Variants in ERAP1 observed in about 807,000 individuals in gnomAD.
ERAP1 encodes the protein adipocyte-derived leucine aminopeptidase.
ERAP1 carries 86 observed loss-of-function variants against 103.7 expected under a neutral mutation model. The observed-to-expected ratio is 0.83, with a 90% confidence interval of 0.70 to 0.99. ERAP1 has a LOEUF of 0.99. Among genes scored for constraint, ERAP1 ranks in the 50% least tolerant of loss-of-function variants. ERAP1 has a pLI of 0.00. For synonymous variants in ERAP1, 398 were observed against 402.4 expected, an observed-to-expected ratio of 0.99 and a Z score of 0.13; for missense variants, 1,009 against 1,128.4, an observed-to-expected ratio of 0.89 and a Z score of 1.52.
chr5:96,786,792 G>GA (rs1776067820), intron 11 of ERAP1: 3 of 471,516 alleles, frequency 6.4e-6, no homozygotes, highest in Non-Finnish European at 1.2e-5. Flanking sequence ...CGTGAACCCT[G>GA]AAAGCCTTTT....
At chr5:96,820,396 G>A in the ERAP1 span, among the ~76,000 whole-genome samples, 1 of 152,066 alleles carries the variant, frequency 6.6e-6, no homozygotes, top group Non-Finnish European at 1.5e-5. Flanking sequence ...TTCCTTGAGG[G>A]TGATTATTTT....
intron 19 of ERAP1, among the ~76,000 whole-genome samples, chr5:96,766,430 GA>G (rs1211512599): frequency 6.6e-6 from 1 of 152,164 alleles, no homozygotes; most frequent in Non-Finnish European, 1.5e-5. Flanking sequence ...TCTCTTTCAA[GA>G]AAAGGCTATA....
At chr5:96,789,241 C>A (rs920461152) in intron 10 of ERAP1, among the ~76,000 whole-genome samples, 2 of 152,204 alleles carry the variant, frequency 1.3e-5, no homozygotes, top group Non-Finnish European at 2.9e-5. Flanking sequence ...AATCCTAGCA[C>A]TTTCGGAGTC....
At chr5:96,790,728 T>G in intron 8 of ERAP1, 85 bp from the exon 9 acceptor site, 1 of 1,354,250 alleles carries the variant, frequency 7.4e-7, no homozygotes, top group Non-Finnish European at 1.0e-6. Context: ...ATAAAACACA[T>G]TTCTTTGAAA....
chr5:96,795,143 G>A lies in ERAP1; in HGVS notation c.818C>T (p.Pro273Leu), dbSNP rs777367883. Residue 273 changes from proline to leucine, a missense_variant, in exon 5 of 19, where the codon CCA (proline) becomes CTA (leucine). By Grantham distance (98) the Pro-to-Leu change is moderately conservative. This residue lies in a region of ERAP1 where 392 missense variants were observed against 455.2 expected (regional missense o/e 0.86). Coordinates refer to ENST00000443439, the MANE Select transcript of ERAP1 (RefSeq NM_001040458.3). ...SGVKVSVYAV[P>L]DKINQADYAL... Reference sequence around the variant, plus strand: ...ATAATCTGCTTGATTTATCTTGTCTGGCACAGCATAAACAGAAACCTAAAG... The same window carrying A: ...ATAATCTGCTTGATTTATCTTGTCTAGCACAGCATAAACAGAAACCTAAAG... 2.5e-6 allele frequency: 4 copies of A among 1,613,620 alleles called. No homozygotes were observed. The East Asian group carries it at 6.7e-5, about 27-fold the overall frequency.
the ERAP1 span, among the ~76,000 whole-genome samples, chr5:96,890,099 A>G: frequency 3.3e-5 from 5 of 152,304 alleles, no homozygotes; most frequent in Non-Finnish European, 5.9e-5. Context: ...TTTACATGAG[A>G]TGATACTCAT....
Position 96,776,106 on chromosome 5 carries a change from A to G in ERAP1, c.*290T>C. 5.9e-6 allele frequency: 8 copies of G among 1,347,744 alleles called. No individual in the cohort carries two copies. The South Asian group carries it at 9.1e-5, about 15-fold the overall frequency. 83.5% of individuals were successfully genotyped at this position (1,347,744 alleles called of 1,614,324 possible). A position where few individuals can be genotyped will look rare whatever the true frequency, so the allele number is the denominator to read the frequency against. The stretch of plus-strand genomic sequence containing the variant: ...TACAGGGTTTTGGACACGGGTGCTT[A>G]AGCATAAACTATAAAATGAGAAGAA... On this transcript the variant is annotated 3_prime_UTR_variant, in exon 19 of 19. Coordinates refer to ENST00000443439, the MANE Select transcript of ERAP1 (RefSeq NM_001040458.3).
At chr5:96,889,606 G>T in the ERAP1 span, 5 of 660,458 alleles carry the variant, frequency 7.6e-6, no homozygotes, top group Non-Finnish European at 1.4e-5. Context: ...CGGAAGCCAG[G>T]TAGAGGGTCC....
At chr5:96,849,723 T>G in the ERAP1 span, among the ~76,000 whole-genome samples, 1 of 152,112 alleles carries the variant, frequency 6.6e-6, no homozygotes, top group Non-Finnish European at 1.5e-5. Flanking sequence ...CTATCAAAAT[T>G]ATCATGTCAT....
At chr5:96,847,173 G>A in the ERAP1 span, among the ~76,000 whole-genome samples, 7,197 of 151,094 alleles carry the variant, frequency 0.048, 214 homozygotes, top group South Asian at 0.1. Flanking sequence ...GCTTGAACCC[G>A]GGAGGCGGAA....
chr5:96,904,679 T>C, the ERAP1 span, among the ~76,000 whole-genome samples: 1 of 152,186 alleles, frequency 6.6e-6, no homozygotes, highest in Non-Finnish European at 1.5e-5. Flanking sequence ...CTGAGTAGAT[T>C]GAAGAGAAGA....
chr5:96,888,745 G>T, the ERAP1 span, among the ~76,000 whole-genome samples: 2 of 152,236 alleles, frequency 1.3e-5, no homozygotes, highest in African/African-American at 4.8e-5. Context: ...AAGCTTGACA[G>T]AGGGCGGATC....
At chr5:96,931,005 G>A in the ERAP1 span, among the ~76,000 whole-genome samples, 1 of 152,158 alleles carries the variant, frequency 6.6e-6, no homozygotes, top group Non-Finnish European at 1.5e-5. Context: ...ATCATGTGTA[G>A]GCTATGCAGG....
At chr5:96,891,470 GGTAT>G in the ERAP1 span, among the ~76,000 whole-genome samples, 3 of 124,128 alleles carry the variant, frequency 2.4e-5, no homozygotes, top group Non-Finnish European at 5.0e-5. Flanking sequence ...CACATATACA[GGTAT>G]ATATATATAT....
At chr5:96,862,850 C>T in the ERAP1 span, among the ~76,000 whole-genome samples, 1 of 152,086 alleles carries the variant, frequency 6.6e-6, no homozygotes, top group South Asian at 2.1e-4. Flanking sequence ...ATTCTCTGGG[C>T]CCATCCCTAA....
the ERAP1 span, chr5:96,873,471 A>G: frequency 2.2e-6 from 1 of 454,510 alleles, no homozygotes; most frequent in Non-Finnish European, 4.4e-6. Flanking sequence ...CTGGAAAGGA[A>G]GCATGTGTTA....
At chr5:96,767,108 A>G (rs981206468) in intron 19 of ERAP1, among the ~76,000 whole-genome samples, 1 of 152,222 alleles carries the variant, frequency 6.6e-6, no homozygotes, top group Non-Finnish European at 1.5e-5. Context: ...AGTAAATAAG[A>G]TGTAAAAACA....
upstream of ERAP1, among the ~76,000 whole-genome samples, chr5:96,810,144 G>T (rs553856143): frequency 6.6e-6 from 1 of 152,190 alleles, no homozygotes; most frequent in Admixed American, 6.5e-5. Context: ...CCGTGATTTC[G>T]TCTTTAGAGT....
chr5:96,903,407 G>A, the ERAP1 span: 5 of 1,613,246 alleles, frequency 3.1e-6, no homozygotes, highest in Admixed American at 1.7e-5. Flanking sequence ...AAGACCAGTT[G>A]GGTGAAATTT....
Sources: gnomAD v4.1 joint callset for allele counts (sites outside exome capture counted in the v4.1 genomes callset) on GRCh38, gnomAD v4.1.1 for gene constraint, gnomAD v4.1.1 regional missense constraint, MANE v1.5 for transcripts, NCBI Gene and HGNC (gene_info 2026-07-23, HGNC 2026-07-21) for gene names.